Variants in GAREM1 observed in about 807,000 individuals in gnomAD.
GAREM1 encodes the protein GRB2-associated and regulator of MAPK protein 1.
In GAREM1, 26 loss-of-function variants were observed where a neutral mutation model predicts 71.3. The observed-to-expected ratio is 0.36, with a 90% CI of 0.27 to 0.51. GAREM1 has a LOEUF of 0.51. GAREM1 is among the 20% of genes least tolerant of loss of function. The pLI is 0.95. For missense variants in GAREM1, 1,026 were observed against 1,103.1 expected (o/e 0.93, Z 0.99); for synonymous variants, 440 against 433.2 (o/e 1.02, Z -0.20).
intron 1 of GAREM1, 140 bp from the exon 2 acceptor site, chr18:32,393,175 G>A: frequency 1.6e-6 from 1 of 608,862 alleles, no homozygotes; most frequent in Non-Finnish European, 2.5e-6. Context: ...GTTTACCTCT[G>A]AATTGTTTTT....
At chr18:32,394,862 A>G (rs1033376971) in intron 1 of GAREM1, among the ~76,000 whole-genome samples, 19 of 152,072 alleles carry the variant, frequency 1.2e-4, no homozygotes, top group Non-Finnish European at 2.6e-4. Context: ...TTGGGCACGA[A>G]CCTCCTTCTT....
At chr18:32,444,688 A>G (rs1303461970) in intron 1 of GAREM1, among the ~76,000 whole-genome samples, 2 of 152,152 alleles carry the variant, frequency 1.3e-5, no homozygotes, top group African/African-American at 4.8e-5. Context: ...CCAAACACCC[A>G]ACAATGCCAG....
intron 2 of GAREM1, among the ~76,000 whole-genome samples, chr18:32,344,077 AG>A (rs2047672757): frequency 6.6e-6 from 1 of 152,150 alleles, no homozygotes; most frequent in South Asian, 2.1e-4. Context: ...CTCATCTTGA[AG>A]GAAGTCTTGG....
intron 1 of GAREM1, among the ~76,000 whole-genome samples, chr18:32,428,796 C>T (rs1036713972): frequency 6.6e-6 from 1 of 152,210 alleles, no homozygotes; most frequent in Non-Finnish European, 1.5e-5. Context: ...ACTCTCCAGA[C>T]ACAGTTGATT....
At chr18:32,346,113 G>T (rs1427335130) in intron 2 of GAREM1, among the ~76,000 whole-genome samples, 1 of 151,370 alleles carries the variant, frequency 6.6e-6, no homozygotes, top group Non-Finnish European at 1.5e-5. Context: ...GCTCCTTTGT[G>T]GTCTGTTTTT....
chr18:32,443,968 C>T (rs2048764800), intron 1 of GAREM1, among the ~76,000 whole-genome samples: 1 of 152,118 alleles, frequency 6.6e-6, no homozygotes, highest in South Asian at 2.1e-4. Context: ...CATCCTACGA[C>T]ATGATGAACC....
chr18:32,377,647 T>G (rs1299956598), intron 2 of GAREM1, among the ~76,000 whole-genome samples: 1 of 152,176 alleles, frequency 6.6e-6, no homozygotes, highest in African/African-American at 2.4e-5. Flanking sequence ...CATTGCAACC[T>G]CTGCCTCCCA....
chr18:32,388,546 G>C (rs2048168528), intron 2 of GAREM1, among the ~76,000 whole-genome samples: 1 of 152,104 alleles, frequency 6.6e-6, no homozygotes, highest in Admixed American at 6.6e-5. Context: ...CGTTAACCAA[G>C]TGATCAAAAC....
rs141851479 is a variant in GAREM1, at chr18:32,411,169, T to G, written c.122-18134A>C. On this transcript the variant is annotated intron_variant, in intron 1 of 5. Transcript: ENST00000269209. ...TATTAGGCTGGCTCAGGTAAATAAT[T>G]CAGCTTCTGTGTCTAATAAGAAAAT... is the stretch of plus-strand genomic sequence containing the variant. 1.3e-3 allele frequency among the ~76,000 whole-genome samples: 194 copies of G among 152,352 alleles called. 1 individual carries two copies. The highest frequency in any genetic ancestry group is 4.5e-3 in the African/African-American group (186 of 41,600).
intron 4 of GAREM1, among the ~76,000 whole-genome samples, chr18:32,282,842 A>G (rs138876766): frequency 1.3e-5 from 2 of 152,350 alleles, no homozygotes; most frequent in East Asian, 3.9e-4. Flanking sequence ...GGCATTTTCT[A>G]AAGAGGGGGA....
At chr18:32,406,936 T>C (rs1333948727) in intron 1 of GAREM1, among the ~76,000 whole-genome samples, 2 of 152,140 alleles carry the variant, frequency 1.3e-5, no homozygotes, top group African/African-American at 4.8e-5. Context: ...CAAAGCATAG[T>C]ATGGATTTGC....
At chr18:32,458,067 C>T (rs547834408) in intron 1 of GAREM1, among the ~76,000 whole-genome samples, 2 of 152,212 alleles carry the variant, frequency 1.3e-5, no homozygotes, top group Non-Finnish European at 2.9e-5. Context: ...TACATAGATT[C>T]TAAACTTCAA....
chr18:32,287,587 T>A lies in GAREM1; in HGVS notation c.1010A>T (p.Asp337Val). The change falls in exon 4 of 6, where the codon GAT becomes GTT. Residue 337 changes from aspartate (D) to valine (V), a missense_variant. By Grantham distance (152) the Asp-to-Val change is radical. Around this residue, in one of 3 missense-constraint regions of GAREM1, gnomAD observed 218 missense variants for 296.8 expected, o/e 0.73. Transcript: ENST00000269209. This position sits in a 1 kb window ranked among gnomAD's most constrained non-coding sequence, Gnocchi z 5.9. ...ATCACGGACAGCCCGTGAATACTCA[T>A]CGATGTCGAACTGTTCTTGGCAGAT... ...LGICQEQFDI[D>V]EYSRAVRDVK... is the part of the protein sequence containing the mutation. 1.2e-6 allele frequency: 2 copies of A among 1,614,200 alleles called. No homozygotes were observed. Among genetic ancestry groups the A allele is most frequent in the Non-Finnish European group, 8.5e-7 (1 of 1,180,040 alleles).
chr18:32,407,474 A>G (rs1459444176), intron 1 of GAREM1, among the ~76,000 whole-genome samples: 1 of 152,186 alleles, frequency 6.6e-6, no homozygotes, highest in African/African-American at 2.4e-5. Flanking sequence ...TAGATTCCTT[A>G]GGATTTTCTG....
intron 1 of GAREM1, among the ~76,000 whole-genome samples, chr18:32,429,668 T>C (rs1292890014): frequency 6.6e-6 from 1 of 152,228 alleles, no homozygotes; most frequent in Non-Finnish European, 1.5e-5. Context: ...TTGCCGGCTA[T>C]GTTTCCGGCT....
intron 2 of GAREM1, among the ~76,000 whole-genome samples, chr18:32,350,449 A>G (rs1454173937): frequency 6.6e-6 from 1 of 152,172 alleles, no homozygotes; most frequent in Non-Finnish European, 1.5e-5. Context: ...AATTTCTTTA[A>G]AAATAGAGTC....
intron 2 of GAREM1, among the ~76,000 whole-genome samples, chr18:32,334,077 G>A (rs934758544): frequency 6.6e-6 from 1 of 152,074 alleles, no homozygotes; most frequent in Non-Finnish European, 1.5e-5. Context: ...CATTGCAGTC[G>A]GAAAGAAGCT....
At position 32,268,171 on chromosome 18, in the gene GAREM1, G is replaced by C. The variant is rs1239459882; in HGVS notation, c.2331C>G (p.Phe777Leu). Reference sequence around the variant, plus strand: ...GAGATGAGAAAGGGTAGGAGGCAGAGAAGATGTCCTGCATGCCCTTTTTAA... The same window carrying C: ...GAGATGAGAAAGGGTAGGAGGCAGACAAGATGTCCTGCATGCCCTTTTTAA... ...YFVKKGMQDI[F>L]SASYPFSSPL... The change falls in exon 6 of 6, where the codon TTC (phenylalanine) becomes TTG (leucine). Residue 777 changes from phenylalanine (F) to leucine (L), a missense_variant. Physicochemically the swap from Phe to Leu is conservative, Grantham distance 22. This residue lies in a region of GAREM1 where 636 missense variants were observed against 631.2 expected (regional missense o/e 1.01). Transcript: ENST00000269209. 1 of 1,614,022 alleles carries C rather than the reference G, an allele frequency of 6.2e-7. No homozygotes were observed. Among genetic ancestry groups the C allele is most frequent in the East Asian group, 2.2e-5 (1 of 44,894 alleles).
chr18:32,313,622 G>T (rs1225269156), intron 2 of GAREM1, among the ~76,000 whole-genome samples: 1 of 152,166 alleles, frequency 6.6e-6, no homozygotes, highest in Non-Finnish European at 1.5e-5. Flanking sequence ...AGAATCCTAG[G>T]CTTGGTAGGT....
Sources: gnomAD v4.1 joint callset for allele counts (sites outside exome capture counted in the v4.1 genomes callset) on GRCh38, gnomAD v4.1.1 for gene constraint, gnomAD v4.1.1 regional missense constraint, Gnocchi (gnomAD v3.1) non-coding constraint, MANE v1.5 for transcripts, NCBI Gene and HGNC (gene_info 2026-07-23, HGNC 2026-07-21) for gene names.